ZMYND11: variants seen among roughly 807,000 people sequenced by gnomAD.
ZMYND11 encodes zinc finger MYND domain-containing protein 11.
ZMYND11 carries 9 observed loss-of-function variants against 84.9 expected under a neutral mutation model. That is an observed-to-expected ratio of 0.11 (90% confidence interval 0.06 to 0.18). ZMYND11 has a LOEUF of 0.18. Ranked by LOEUF, ZMYND11 falls within the 10% of genes least tolerant of loss-of-function variation. The probability of loss-of-function intolerance (pLI) is 1.00; values close to 1 mark genes in which losing one functional copy is unlikely to be tolerated. For missense variants in ZMYND11, 409 were observed against 761.0 expected, an observed-to-expected ratio of 0.54 and a Z score of 5.44; for synonymous variants, 250 against 244.1, an observed-to-expected ratio of 1.02 and a Z score of -0.23.
At chr10:247,340 C>T in intron 11 of ZMYND11, 58 bp from the exon 12 acceptor site, 1 of 1,584,506 alleles carries the variant, frequency 6.3e-7, no homozygotes. Context: ...TGAGTGTTTT[C>T]AGCAGAGAAG....
At chr10:238,360 T>G (rs1011454580) in intron 6 of ZMYND11, among the ~76,000 whole-genome samples, 1 of 149,036 alleles carries the variant, frequency 6.7e-6, no homozygotes, top group Admixed American at 6.6e-5. Context: ...ACAAGTTTCT[T>G]TTCTTTTTTT....
chr10:247,144 T>C, intron 11 of ZMYND11, 171 bp downstream of exon 11: 1 of 790,038 alleles, frequency 1.3e-6, no homozygotes, highest in East Asian at 2.7e-5. Context: ...AATACATAGA[T>C]GTAACAATCA....
At chr10:249,780 T>G in intron 14 of ZMYND11, 6 of 983,520 alleles carry the variant, frequency 6.1e-6, no homozygotes, top group Non-Finnish European at 7.2e-6. Flanking sequence ...TATATAAAGT[T>G]TTGTGATAAA....
chr10:135,119 G>A (rs1835603965), upstream of ZMYND11: 1 of 150,326 alleles, frequency 6.7e-6, no homozygotes, highest in Non-Finnish European at 1.5e-5. The surrounding 1 kb of genome is among the most constrained non-coding windows in gnomAD (Gnocchi z 5.6). Flanking sequence ...GGCTTCGCGG[G>A]GACCCAACTT....
rs570080793 is a variant in ZMYND11, at chr10:203,881, C to T, written c.117-6008C>T. Among the ~76,000 whole-genome samples, 68 of 152,124 alleles carry T rather than the reference C, an allele frequency of 4.5e-4. 1 individual carries two copies. Among genetic ancestry groups the T allele is most frequent in the Non-Finnish European group, 7.6e-4 (52 of 67,982 alleles). Reference sequence around the variant, plus strand: ...TGAAAAATAGTAGTGTCTTATACCACGATTTTTTTAAAAAAATGTAATATA... The same window carrying T: ...TGAAAAATAGTAGTGTCTTATACCATGATTTTTTTAAAAAAATGTAATATA... On this transcript the variant is annotated intron_variant, in intron 2 of 14. Transcript: ENST00000381604.
At chr10:213,925 A>T (rs1032653128) in intron 3 of ZMYND11, among the ~76,000 whole-genome samples, 1 of 152,216 alleles carries the variant, frequency 6.6e-6, no homozygotes, top group African/African-American at 2.4e-5. Flanking sequence ...ATTGAACAAG[A>T]TTACTTTTAT....
At chr10:157,854 A>G (rs1842061013) in intron 1 of ZMYND11, among the ~76,000 whole-genome samples, 1 of 152,110 alleles carries the variant, frequency 6.6e-6, no homozygotes, top group Non-Finnish European at 1.5e-5. Context: ...GAAACCCCAG[A>G]TCCAATAGCA....
At chr10:168,019 C>A (rs1554764465) in intron 1 of ZMYND11, among the ~76,000 whole-genome samples, 1 of 152,022 alleles carries the variant, frequency 6.6e-6, no homozygotes, top group Admixed American at 6.6e-5. Context: ...TTTTTAACAT[C>A]TCAGGTTTGG....
chr10:157,888 C>T (rs911483255), intron 1 of ZMYND11, among the ~76,000 whole-genome samples: 6 of 152,196 alleles, frequency 3.9e-5, no homozygotes, highest in African/African-American at 1.2e-4. Flanking sequence ...TCTTCTCACC[C>T]GATCCCCGGG....
chr10:189,322 A>T (rs1383500650), intron 2 of ZMYND11, among the ~76,000 whole-genome samples: 2 of 152,192 alleles, frequency 1.3e-5, no homozygotes, highest in Non-Finnish European at 2.9e-5. Context: ...TATTTATGTA[A>T]GTTAAATTTT....
At chr10:209,407 C>T (rs1029124754) in intron 2 of ZMYND11, among the ~76,000 whole-genome samples, 1 of 152,148 alleles carries the variant, frequency 6.6e-6, no homozygotes, top group African/African-American at 2.4e-5. Context: ...GACAAGCACT[C>T]GTGTAATTTC....
At chr10:212,322 A>T (rs1044673385) in intron 3 of ZMYND11, among the ~76,000 whole-genome samples, 6 of 152,072 alleles carry the variant, frequency 3.9e-5, no homozygotes, top group African/African-American at 1.4e-4. Flanking sequence ...TTCTGTCTAG[A>T]TGAAATATTA....
chr10:163,939 A>G (rs1843450910), intron 1 of ZMYND11, among the ~76,000 whole-genome samples: 1 of 152,122 alleles, frequency 6.6e-6, no homozygotes, highest in Non-Finnish European at 1.5e-5. Flanking sequence ...TTCTCTGGGA[A>G]CATTTAATTT....
intron 4 of ZMYND11, among the ~76,000 whole-genome samples, chr10:229,236 G>A (rs939532562): frequency 1.6e-4 from 25 of 152,292 alleles, no homozygotes; most frequent in African/African-American, 5.5e-4. Flanking sequence ...AACAATTCTT[G>A]TGCGTTAGTA....
At chr10:184,785 A>G (rs1299897853) in intron 2 of ZMYND11, among the ~76,000 whole-genome samples, 2 of 152,122 alleles carry the variant, frequency 1.3e-5, no homozygotes, top group African/African-American at 4.8e-5. Context: ...GTGGTTCTGA[A>G]TACTCTTTCC....
intron 3 of ZMYND11, among the ~76,000 whole-genome samples, chr10:216,509 A>G (rs1358974926): frequency 6.6e-6 from 1 of 152,124 alleles, no homozygotes; most frequent in Admixed American, 6.6e-5. Context: ...ATAGGTGTAT[A>G]TGTTTATGGG....
upstream of ZMYND11, among the ~76,000 whole-genome samples, chr10:132,096 C>T (rs531830865): frequency 1.3e-5 from 2 of 152,080 alleles, no homozygotes; most frequent in Non-Finnish European, 2.9e-5. Context: ...ACATCAATAT[C>T]TAATACTAAA....
intron 1 of ZMYND11, among the ~76,000 whole-genome samples, chr10:179,158 C>T (rs1429325711): frequency 2.0e-5 from 3 of 152,142 alleles, no homozygotes; most frequent in Non-Finnish European, 2.9e-5. Context: ...CAAACGCTTA[C>T]CAGATTCCTA....
At chr10:137,915 C>A (rs1213463406) in intron 1 of ZMYND11, among the ~76,000 whole-genome samples, 1 of 152,084 alleles carries the variant, frequency 6.6e-6, no homozygotes, top group African/African-American at 2.4e-5. Context: ...TGGTGCTTTT[C>A]CCCCATAGAG....
Sources: allele counts gnomAD v4.1 joint callset (sites outside exome capture counted in the v4.1 genomes callset), GRCh38; gene constraint gnomAD v4.1.1; non-coding constraint Gnocchi (gnomAD v3.1); transcripts MANE v1.5; gene names NCBI Gene and HGNC (gene_info 2026-07-23, HGNC 2026-07-21).